Variants in KCNJ6 observed in about 807,000 individuals in gnomAD.
KCNJ6 encodes the protein G protein-activated inward rectifier potassium channel 2.
KCNJ6 carries 9 observed loss-of-function variants against 34.2 expected under a neutral mutation model. The ratio of observed to expected loss-of-function variants is 0.26; its 90% confidence interval spans 0.16 to 0.46. The LOEUF is 0.46. KCNJ6 is among the 20% of genes least tolerant of loss of function. The pLI, the probability that KCNJ6 is intolerant of heterozygous loss-of-function variation, is 1.00. For missense variants in KCNJ6, 236 were observed against 531.3 expected (o/e 0.44, Z 5.46); for synonymous variants, 196 against 207.1 (o/e 0.95, Z 0.46).
intron 1 of KCNJ6, among the ~76,000 whole-genome samples, chr21:37,865,281 C>T (rs1358705395): frequency 6.6e-6 from 1 of 152,212 alleles, no homozygotes; most frequent in African/African-American, 2.4e-5. Flanking sequence ...TACTCTACTT[C>T]ACTTGATACG....
chr21:37,709,137 GA>G (rs1482147593), intron 3 of KCNJ6, among the ~76,000 whole-genome samples: 1 of 106,012 alleles, frequency 9.4e-6, no homozygotes, highest in Admixed American at 9.1e-5. Flanking sequence ...TTTGGAAACA[GA>G]AGAACCTTAA....
intron 3 of KCNJ6, among the ~76,000 whole-genome samples, chr21:37,662,939 C>T (rs1034819907): frequency 6.6e-6 from 1 of 152,054 alleles, no homozygotes; most frequent in Non-Finnish European, 1.5e-5. Context: ...ATGTCCTTTG[C>T]CCACTTTTTA....
intron 1 of KCNJ6, among the ~76,000 whole-genome samples, chr21:37,886,041 C>G (rs989131055): frequency 3.9e-5 from 6 of 152,124 alleles, no homozygotes; most frequent in African/African-American, 1.4e-4. Flanking sequence ...ACACGATTTG[C>G]TTATTACGGA....
intron 3 of KCNJ6, among the ~76,000 whole-genome samples, chr21:37,700,291 A>C (rs1218087929): frequency 1.3e-5 from 2 of 152,120 alleles, no homozygotes; most frequent in Non-Finnish European, 2.9e-5. Flanking sequence ...TTGGAAAGGT[A>C]ATGGAAAAGG....
intron 1 of KCNJ6, among the ~76,000 whole-genome samples, chr21:37,856,182 A>G (rs1317874494): frequency 6.6e-6 from 1 of 152,194 alleles, no homozygotes; most frequent in African/African-American, 2.4e-5. Flanking sequence ...GATTCCCTGC[A>G]TTTTAAAATC....
chr21:37,807,372 T>A (rs975057191), intron 2 of KCNJ6, among the ~76,000 whole-genome samples: 5 of 152,076 alleles, frequency 3.3e-5, no homozygotes, highest in Non-Finnish European at 7.4e-5. Flanking sequence ...AGCCCTGGAG[T>A]GAGTTTCTAA....
At chr21:37,742,046 C>T (rs1427935078) in intron 2 of KCNJ6, among the ~76,000 whole-genome samples, 5 of 152,162 alleles carry the variant, frequency 3.3e-5, no homozygotes, top group African/African-American at 1.2e-4. Context: ...TCAGGCATGC[C>T]CTGATGGAAA....
chr21:37,759,171 G>A (rs573008444), intron 2 of KCNJ6, among the ~76,000 whole-genome samples: 33 of 152,272 alleles, frequency 2.2e-4, no homozygotes, highest in South Asian at 1.7e-3. Flanking sequence ...TGGCAGGGGC[G>A]GTCCTGGCTG....
In KCNJ6 at chr21:37,690,786, T is replaced by C. The variant is rs1205549989; in HGVS notation, c.946+23425A>G. 4.0e-5 allele frequency among the ~76,000 whole-genome samples: 6 copies of C among 151,146 alleles called. No individual in the cohort carries two copies. The East Asian group carries it at 5.8e-4, about 15-fold the overall frequency. Reference sequence around the variant, plus strand: ...GGTTACTTCTTTTTTCTTTTCTTTTTTTTTTTTTTTTGAGATAGAGTCTTG... The same window carrying C: ...GGTTACTTCTTTTTTCTTTTCTTTTCTTTTTTTTTTTGAGATAGAGTCTTG... On this transcript the variant is annotated intron_variant, in intron 3 of 3. Coordinates refer to ENST00000609713, the MANE Select transcript of KCNJ6 (RefSeq NM_002240.5).
chr21:37,869,896 A>G (rs75852175), intron 1 of KCNJ6, among the ~76,000 whole-genome samples: 1,828 of 152,290 alleles, frequency 0.012, 41 homozygotes, highest in African/African-American at 0.041. Context: ...AGCTAAAAGG[A>G]AAGACTGAGT....
intron 1 of KCNJ6, among the ~76,000 whole-genome samples, chr21:37,879,138 G>A (rs2055693784): frequency 6.6e-6 from 1 of 152,182 alleles, no homozygotes; most frequent in African/African-American, 2.4e-5. Context: ...ACAGTAGTGA[G>A]CTGAGTACTG....
chr21:37,765,542 G>A (rs147632453), intron 2 of KCNJ6, among the ~76,000 whole-genome samples: 301 of 152,236 alleles, frequency 2.0e-3, no homozygotes, highest in African/African-American at 6.9e-3. Flanking sequence ...CCCCAGACAC[G>A]GAATTCTCTG....
Position 37,739,883 on chromosome 21 carries a change from A to C in KCNJ6, c.26-24752T>G, listed in dbSNP as rs182173569. On this transcript the variant is annotated intron_variant, in intron 2 of 3. Transcript: ENST00000609713. Reference sequence around the variant, plus strand: ...ATTCATTTTATTTATTTATTTAAAAATTTTGGTTCATGAACAATTCTTTAG... The same window carrying C: ...ATTCATTTTATTTATTTATTTAAAACTTTTGGTTCATGAACAATTCTTTAG... Among the ~76,000 whole-genome samples, 10 of 150,816 alleles carry C rather than the reference A, an allele frequency of 6.6e-5. No homozygotes were observed. The East Asian group carries it at 2.0e-3, about 30-fold the overall frequency.
At chr21:37,632,589 G>A (rs2054338835) in intron 3 of KCNJ6, among the ~76,000 whole-genome samples, 1 of 152,082 alleles carries the variant, frequency 6.6e-6, no homozygotes, top group South Asian at 2.1e-4. Flanking sequence ...TTTTTGAAAA[G>A]TCTAGTAAAA....
intron 3 of KCNJ6, among the ~76,000 whole-genome samples, chr21:37,666,119 T>C (rs1027872921): frequency 6.6e-5 from 10 of 152,170 alleles, no homozygotes; most frequent in Non-Finnish European, 1.2e-4. Context: ...GAGTGATCCT[T>C]CCCAAACCAC....
chr21:37,755,384 C>G (rs114892495), intron 2 of KCNJ6, among the ~76,000 whole-genome samples: 5,107 of 152,304 alleles, frequency 0.034, 208 homozygotes, highest in African/African-American at 0.094. Flanking sequence ...ATAGAAGGCT[C>G]TTTCCTGAGA....
At chr21:37,875,709 C>G (rs1255662505) in intron 1 of KCNJ6, among the ~76,000 whole-genome samples, 1 of 152,144 alleles carries the variant, frequency 6.6e-6, no homozygotes, top group Non-Finnish European at 1.5e-5. Context: ...AAAACCATGG[C>G]CTTTTCCACA....
rs771882416 is a variant in KCNJ6, at chr21:37,624,361, CACAAACAA to C, written c.*790_*797del. ...TACCCTAACGTCTGCCAGTCTGAGA[CACAAACAA>C]AGGCCATGCACTGAAGGGCCAGCCG... On this transcript the variant is annotated 3_prime_UTR_variant, in exon 4 of 4. Coordinates refer to ENST00000609713, the MANE Select transcript of KCNJ6 (RefSeq NM_002240.5). 6.6e-6 allele frequency: 1 copy of C among 152,078 alleles called. No homozygotes were observed. The highest frequency in any genetic ancestry group is 1.5e-5 in the Non-Finnish European group (1 of 68,032). 9.4% of individuals were successfully genotyped at this position (152,078 alleles called of 1,614,324 possible).
chr21:37,808,799 C>T (rs2055306417), intron 2 of KCNJ6, among the ~76,000 whole-genome samples: 1 of 152,220 alleles, frequency 6.6e-6, no homozygotes, highest in Non-Finnish European at 1.5e-5. Context: ...TTCTCTTGGG[C>T]TAGCTCTCCC....
Sources: allele counts gnomAD v4.1 joint callset (sites outside exome capture counted in the v4.1 genomes callset), GRCh38; gene constraint gnomAD v4.1.1; transcripts MANE v1.5; gene names NCBI Gene and HGNC (gene_info 2026-07-23, HGNC 2026-07-21).